TAFA2: variants seen among roughly 807,000 people sequenced by gnomAD.
The protein encoded by TAFA2 is TAFA chemokine like family member 2, also known as chemokine-like protein TAFA-2.
In TAFA2, 7 loss-of-function variants were observed where a neutral mutation model predicts 18.8. That is an observed-to-expected ratio of 0.37 (90% CI 0.21 to 0.70). The LOEUF (loss-of-function observed/expected upper bound fraction) is 0.70, where lower values mean the gene tolerates loss of function less well. Ranked by LOEUF, TAFA2 falls within the 30% of genes least tolerant of loss-of-function variation. TAFA2 has a pLI of 0.53. For missense variants in TAFA2, 122 were observed against 158.1 expected, an observed-to-expected ratio of 0.77 and a Z score of 1.23; for synonymous variants, 60 against 54.2, an observed-to-expected ratio of 1.11 and a Z score of -0.47.
At chr12:62,124,816 T>C (rs1428165064) in intron 1 of TAFA2, among the ~76,000 whole-genome samples, 1 of 152,118 alleles carries the variant, frequency 6.6e-6, no homozygotes, top group East Asian at 1.9e-4. Context: ...AGTACAGATA[T>C]TGGCAGAACC....
rs900460912 is a variant in TAFA2 at position 62,192,520 on chromosome 12, C to A, written c.-1263G>T. 6.6e-6 allele frequency: 1 copy of A among 152,356 alleles called. No individual in the cohort carries two copies. The highest frequency in any genetic ancestry group is 1.5e-5 in the Non-Finnish European group (1 of 68,146). 9.4% of individuals were successfully genotyped at this position (152,356 alleles called of 1,614,324 possible). A position where few individuals can be genotyped will look rare whatever the true frequency, so the allele number is the denominator to read the frequency against. The stretch of plus-strand genomic sequence containing the variant: ...CCAGATGCTATACTGTCAAAAGACA[C>A]TGATGCTAATCTTTTAGAAAGTCGC... On this transcript the variant is annotated 5_prime_UTR_variant, in exon 1 of 5. Transcript: ENST00000416284.
intron 1 of TAFA2, among the ~76,000 whole-genome samples, chr12:61,989,567 T>C (rs1879930172): frequency 6.6e-6 from 1 of 152,186 alleles, no homozygotes; most frequent in South Asian, 2.1e-4. Flanking sequence ...AAAGAATGGT[T>C]ACTGCCCTCT....
intron 1 of TAFA2, among the ~76,000 whole-genome samples, chr12:61,977,738 C>A (rs1879487466): frequency 6.6e-6 from 1 of 152,016 alleles, no homozygotes; most frequent in African/African-American, 2.4e-5. Flanking sequence ...AGTATGAAAC[C>A]ATTCTCACAC....
At chr12:61,837,092 T>G (rs1872966385) in intron 2 of TAFA2, among the ~76,000 whole-genome samples, 1 of 151,758 alleles carries the variant, frequency 6.6e-6, no homozygotes, top group African/African-American at 2.4e-5. Context: ...ATTTTTATTT[T>G]TATATAATCA....
chr12:61,915,152 C>T (rs1876770987), intron 1 of TAFA2, among the ~76,000 whole-genome samples: 1 of 152,136 alleles, frequency 6.6e-6, no homozygotes, highest in African/African-American at 2.4e-5. Flanking sequence ...CAGAGCGAGA[C>T]TCCATCTCAA....
intron 1 of TAFA2, among the ~76,000 whole-genome samples, chr12:62,118,325 A>G (rs1315062322): frequency 6.6e-6 from 1 of 152,094 alleles, no homozygotes; most frequent in Non-Finnish European, 1.5e-5. Context: ...TCATTTTACT[A>G]CTGTGTCATA....
At chr12:62,014,438 G>A (rs1880863842) in intron 1 of TAFA2, among the ~76,000 whole-genome samples, 2 of 152,070 alleles carry the variant, frequency 1.3e-5, no homozygotes, top group Admixed American at 6.6e-5. Flanking sequence ...AGACCAGCCT[G>A]GGCAACATGG....
At chr12:62,165,101 TA>T (rs2062429944) in intron 1 of TAFA2, among the ~76,000 whole-genome samples, 1 of 152,102 alleles carries the variant, frequency 6.6e-6, no homozygotes, top group African/African-American at 2.4e-5. Flanking sequence ...ATATAAAACA[TA>T]CAGAGGGCGA....
intron 3 of TAFA2, among the ~76,000 whole-genome samples, chr12:61,754,171 A>G (rs913959797): frequency 9.9e-5 from 15 of 151,974 alleles, no homozygotes; most frequent in African/African-American, 3.6e-4. Flanking sequence ...TAGAGTCAAC[A>G]CTTTATAATC....
intron 1 of TAFA2, among the ~76,000 whole-genome samples, chr12:62,006,559 T>A (rs1325357981): frequency 6.6e-6 from 1 of 152,198 alleles, no homozygotes; most frequent in Admixed American, 6.5e-5. Flanking sequence ...CAGCATTTTA[T>A]GTTTGCTTTA....
intron 4 of TAFA2, among the ~76,000 whole-genome samples, chr12:61,722,485 G>T (rs2120605033): frequency 6.6e-6 from 1 of 152,260 alleles, no homozygotes; most frequent in East Asian, 1.9e-4. Context: ...TCAGTGTTAT[G>T]ACCTGCAGTG....
chr12:62,063,753 C>T (rs1565732559), intron 1 of TAFA2, among the ~76,000 whole-genome samples: 1 of 151,720 alleles, frequency 6.6e-6, no homozygotes, highest in Non-Finnish European at 1.5e-5. Context: ...TAATCAAAAA[C>T]CTTTAAGAGC....
At chr12:62,048,911 A>G (rs1344414347) in intron 1 of TAFA2, among the ~76,000 whole-genome samples, 2 of 152,200 alleles carry the variant, frequency 1.3e-5, no homozygotes, top group Admixed American at 6.5e-5. Flanking sequence ...TCATCCAAAG[A>G]TTAAACAATT....
rs193042665 is a variant in TAFA2 at position 61,912,473 on chromosome 12, C to T, written c.-1-45047G>A. Among the ~76,000 whole-genome samples the T allele has an allele frequency of 5.9e-4, 89 of 152,124 alleles. 2 individuals carry two copies. In the East Asian group the frequency reaches 0.013, roughly 23 times the overall value. ...TTAGAAAATACAAATATATGTGGCT[C>T]ATCTTATATTTTTCATCAGTCAGCA... On this transcript the variant is annotated intron_variant, in intron 1 of 4. Transcript: ENST00000416284.
At position 62,233,203 on chromosome 12, in the gene TAFA2, C is replaced by G. The variant is rs539083654; in HGVS notation, c.-130+25560G>C. 7.3e-5 allele frequency among the ~76,000 whole-genome samples: 11 copies of G among 150,486 alleles called. 1 individual carries two copies. The South Asian group carries it at 1.5e-3, about 20-fold the overall frequency. On this transcript the variant is annotated intron_variant, in intron 1 of 5. Coordinates refer to the TAFA2 transcript ENST00000551619. ...TCAAGTGATTATCCTGCCTCAGCCT[C>G]CTGAGTAGGTGGGACTATAGGTGTG...
chr12:61,802,498 C>A (rs1161063499), intron 2 of TAFA2, among the ~76,000 whole-genome samples: 4 of 151,978 alleles, frequency 2.6e-5, no homozygotes, highest in Admixed American at 6.6e-5. Flanking sequence ...TGAAATAAGT[C>A]AGGCACAGAA....
chr12:61,879,681 AG>A (rs1209380721), intron 1 of TAFA2: 15 of 1,061,388 alleles, frequency 1.4e-5, no homozygotes. Context: ...AGGATGCTGG[AG>A]GCCAAGTGGA....
chr12:61,990,622 A>AGACACC (rs1555181798), intron 1 of TAFA2, among the ~76,000 whole-genome samples: 1 of 151,294 alleles, frequency 6.6e-6, no homozygotes, highest in East Asian at 2.0e-4. Context: ...TACAGGCATG[A>AGACACC]GCGCCCGGCC....
chr12:61,810,025 C>T lies in TAFA2; in HGVS notation c.107-55001G>A, dbSNP rs576457093. Among the ~76,000 whole-genome samples, 79 of 151,340 alleles carry T rather than the reference C, an allele frequency of 5.2e-4. 2 individuals carry two copies. Among genetic ancestry groups the T allele is most frequent in the Admixed American group, 1.2e-3 (19 of 15,244 alleles). ...GGGAATCATAGGAGTTGTTAAAGTCCTTTTGGGAACCACATTTCCTTCTCT... is the reference window on the plus strand; with the variant it reads ...GGGAATCATAGGAGTTGTTAAAGTCTTTTTGGGAACCACATTTCCTTCTCT... On this transcript the variant is annotated intron_variant, in intron 2 of 4. Transcript: ENST00000416284.
Sources: gnomAD v4.1 joint callset for allele counts (sites outside exome capture counted in the v4.1 genomes callset) on GRCh38, gnomAD v4.1.1 for gene constraint, MANE v1.5 for transcripts, NCBI Gene and HGNC (gene_info 2026-07-23, HGNC 2026-07-21) for gene names.